Variants in OPRM1 observed in about 807,000 individuals in gnomAD.
OPRM1 encodes the protein opioid receptor mu 1.
In OPRM1, 27 loss-of-function variants were observed where a neutral mutation model predicts 31.8. The observed-to-expected ratio is 0.85, with a 90% confidence interval of 0.63 to 1.17. The LOEUF (loss-of-function observed/expected upper bound fraction) is 1.17. Ranked by LOEUF, OPRM1 falls within the 50% of genes most tolerant of loss-of-function variation. OPRM1 has a pLI of 0.00. For missense variants in OPRM1, 536 were observed against 511.1 expected, an observed-to-expected ratio of 1.05 and a Z score of -0.47; for synonymous variants, 196 against 189.9, an observed-to-expected ratio of 1.03 and a Z score of -0.26.
At chr6:154,227,910 T>TA (rs549854199) in intron 3 of OPRM1, among the ~76,000 whole-genome samples, 268 of 152,232 alleles carry the variant, frequency 1.8e-3, no homozygotes, top group South Asian at 1.0e-2. Flanking sequence ...GCTTTTTTTT[T>TA]ATTCTGAAGA....
At chr6:154,050,548 A>G (rs1357693372) in intron 1 of OPRM1, among the ~76,000 whole-genome samples, 3 of 152,096 alleles carry the variant, frequency 2.0e-5, no homozygotes, top group Non-Finnish European at 4.4e-5. Context: ...TCTAAAAATC[A>G]AATCAATTGA....
intron 1 of OPRM1, among the ~76,000 whole-genome samples, chr6:154,012,948 G>A (rs1204425803): frequency 6.6e-6 from 1 of 152,010 alleles, no homozygotes; most frequent in African/African-American, 2.4e-5. Flanking sequence ...CCACCCTCAT[G>A]ACCCAACCAC....
chr6:154,076,400 G>T (rs909997374), intron 1 of OPRM1, among the ~76,000 whole-genome samples: 1 of 152,048 alleles, frequency 6.6e-6, no homozygotes, highest in Non-Finnish European at 1.5e-5. Context: ...AATAAAAATG[G>T]TCAAAAAATA....
Position 154,039,632 on chromosome 6 carries a change from T to C in OPRM1, c.88T>C (p.Ser30Pro). The C allele has an allele frequency of 6.2e-7, 1 of 1,613,744 alleles. No homozygotes were observed. Among genetic ancestry groups the C allele is most frequent in the East Asian group, 2.2e-5 (1 of 44,862 alleles). The change falls in exon 1 of 4, where the codon TCC (serine) becomes CCC (proline). Residue 30 changes from serine (S) to proline (P), a missense_variant. By Grantham distance (74) the Ser-to-Pro change is moderately conservative. Coordinates refer to ENST00000330432, the MANE Select transcript of OPRM1 (RefSeq NM_000914.5). The stretch of plus-strand genomic sequence containing the variant: ...TTGCTCCCCAGCACCCAGCCCCGGT[T>C]CCTGGGTCAACTTGTCCCACTTAGA... ...SSCSPAPSPG[S>P]WVNLSHLDGN...
intron 3 of OPRM1, among the ~76,000 whole-genome samples, chr6:154,232,684 T>C (rs1435651895): frequency 6.6e-6 from 1 of 152,056 alleles, no homozygotes; most frequent in Non-Finnish European, 1.5e-5. Flanking sequence ...AACCCTGGAT[T>C]TGGAATTAAT....
intron 3 of OPRM1, among the ~76,000 whole-genome samples, chr6:154,234,897 T>C (rs1233108627): frequency 5.9e-5 from 9 of 152,250 alleles, no homozygotes; most frequent in Non-Finnish European, 1.3e-4. Flanking sequence ...TGTGTGATTG[T>C]CCTCTGCCGT....
At position 154,168,107 on chromosome 6, in the gene OPRM1, G is replaced by T; in HGVS notation, c.1164+76635G>T. On this transcript the variant is annotated intron_variant, in intron 3 of 3. Transcript: ENST00000337049. This position sits in a 1 kb window ranked among gnomAD's most constrained non-coding sequence, Gnocchi z 4.1. Reference sequence around the variant, plus strand: ...CATTTCATCATCTTCAGACACTTTTGTCTCTTCTATTTGAAAAAAAAAAAG... The same window carrying T: ...CATTTCATCATCTTCAGACACTTTTTTCTCTTCTATTTGAAAAAAAAAAAG... 2 of 1,527,868 alleles carry T rather than the reference G, an allele frequency of 1.3e-6. No homozygotes were observed. The highest frequency in any genetic ancestry group is 2.0e-5 in the Admixed American group (1 of 51,262). The allele number at this position is 1,527,868 out of a possible 1,614,324, so 94.6% of individuals were successfully genotyped here.
intron 1 of OPRM1, among the ~76,000 whole-genome samples, chr6:154,078,332 A>G (rs546040074): frequency 8.5e-5 from 13 of 152,338 alleles, no homozygotes; most frequent in African/African-American, 3.1e-4. Context: ...AGAAATAAAA[A>G]TAATATCCAT....
At chr6:154,096,824 C>T (rs754102388) in intron 3 of OPRM1, among the ~76,000 whole-genome samples, 1 of 152,198 alleles carries the variant, frequency 6.6e-6, no homozygotes, top group Admixed American at 6.5e-5. Flanking sequence ...CACATGGTCT[C>T]AGCCAGATTC....
chr6:154,115,550 A>AAG lies in OPRM1; in HGVS notation c.1165-3119_1165-3118dup, dbSNP rs748729832. Among the ~76,000 whole-genome samples the AAG allele has an allele frequency of 2.1e-3, 314 of 152,132 alleles. 1 individual carries two copies. The highest frequency in any genetic ancestry group is 6.9e-3 in the African/African-American group (286 of 41,498). ...GTGAGGCTCTGCCTCAAAAGAAAAA[A>AAG]AGAGAGAGAGAGAGAATAAGAGTTG... On this transcript the variant is annotated intron_variant, in intron 3 of 3. Coordinates refer to ENST00000330432, the MANE Select transcript of OPRM1 (RefSeq NM_000914.5).
chr6:154,211,232 C>T (rs1447448720), intron 3 of OPRM1, among the ~76,000 whole-genome samples: 2 of 151,870 alleles, frequency 1.3e-5, no homozygotes, highest in Non-Finnish European at 1.5e-5. Flanking sequence ...CTGGCTAACA[C>T]GGTGAAATCC....
chr6:154,237,422 T>C (rs180974614), intron 3 of OPRM1, among the ~76,000 whole-genome samples: 16 of 152,344 alleles, frequency 1.1e-4, no homozygotes, highest in Admixed American at 7.2e-4. Context: ...GGACAGATCA[T>C]AGTCACTGAG....
intron 3 of OPRM1, among the ~76,000 whole-genome samples, chr6:154,181,469 C>T (rs752402478): frequency 3.3e-5 from 5 of 152,164 alleles, no homozygotes; most frequent in Admixed American, 6.5e-5. Context: ...TTCTTAAATA[C>T]TATGCTTTAA....
At chr6:154,162,140 G>A (rs1799077468) in intron 3 of OPRM1, among the ~76,000 whole-genome samples, 1 of 152,140 alleles carries the variant, frequency 6.6e-6, no homozygotes, top group African/African-American at 2.4e-5. Flanking sequence ...TCCTAGTAAA[G>A]GCCAATCCCT....
At chr6:154,223,719 T>G (rs572089638) in intron 3 of OPRM1, among the ~76,000 whole-genome samples, 1 of 152,246 alleles carries the variant, frequency 6.6e-6, no homozygotes, top group Non-Finnish European at 1.5e-5. Flanking sequence ...GATTGACCAC[T>G]TACTGGTTGT....
chr6:154,227,341 C>G (rs936496867), intron 3 of OPRM1, among the ~76,000 whole-genome samples: 1 of 152,132 alleles, frequency 6.6e-6, no homozygotes, highest in African/African-American at 2.4e-5. Context: ...TACAATAAAT[C>G]GATCTCAAAT....
Position 154,168,166 on chromosome 6 carries a change from G to T in OPRM1, c.1164+76694G>T. On this transcript the variant is annotated intron_variant, in intron 3 of 3. Coordinates refer to the OPRM1 transcript ENST00000337049. The surrounding 1 kb of genome is among the most constrained non-coding windows in gnomAD (Gnocchi z 4.1). ...AACAATAAACCCAGTGAAAAATCAA[G>T]GAGAGAACATTCAATACTGTGGTCC... 7.2e-7 allele frequency: 1 copy of T among 1,383,694 alleles called. No individual in the cohort carries two copies. The highest frequency in any genetic ancestry group is 9.8e-7 in the Non-Finnish European group (1 of 1,017,606). The allele number at this position is 1,383,694 out of a possible 1,614,324, so 85.7% of individuals were successfully genotyped here.
chr6:154,020,451 C>T (rs919335577), intron 1 of OPRM1, among the ~76,000 whole-genome samples: 1 of 151,994 alleles, frequency 6.6e-6, no homozygotes, highest in African/African-American at 2.4e-5. Flanking sequence ...CCCCAAAATC[C>T]CAATCCTGAT....
chr6:154,170,261 T>C (rs1440857448), intron 3 of OPRM1, among the ~76,000 whole-genome samples: 1 of 152,022 alleles, frequency 6.6e-6, no homozygotes, highest in African/African-American at 2.4e-5. Context: ...TTTATATGTT[T>C]CACTTCCTGT....
Sources: allele counts gnomAD v4.1 joint callset (sites outside exome capture counted in the v4.1 genomes callset), GRCh38; gene constraint gnomAD v4.1.1; non-coding constraint Gnocchi (gnomAD v3.1); transcripts MANE v1.5; gene names NCBI Gene and HGNC (gene_info 2026-07-23, HGNC 2026-07-21).